The following MYO18B variants were observed in gnomAD, a reference collection of about 807,000 sequenced individuals.
The protein encoded by MYO18B is unconventional myosin-XVIIIb.
A neutral mutation model predicts 273.0 loss-of-function variants in MYO18B; 204 were observed. The ratio of observed to expected loss-of-function variants is 0.75; its 90% CI spans 0.67 to 0.84. MYO18B has a LOEUF of 0.84. MYO18B is among the 40% of genes least tolerant of loss of function. MYO18B has a pLI of 0.00. For synonymous variants in MYO18B, 1,330 were observed against 1,305.7 expected, an observed-to-expected ratio of 1.02 and a Z score of -0.40; for missense variants, 3,212 against 3,287.6, an observed-to-expected ratio of 0.98 and a Z score of 0.56.
chr22:25,778,477 T>TTTA lies in MYO18B; in HGVS notation c.2068+714_2068+716dup, dbSNP rs561203478. Among the ~76,000 whole-genome samples the TTTA allele has an allele frequency of 2.2e-3, 326 of 151,540 alleles. 5 individuals carry two copies. The highest frequency in any genetic ancestry group is 0.015 in the East Asian group (75 of 5,160). On this transcript the variant is annotated intron_variant, in intron 8 of 43. Coordinates refer to ENST00000335473, the MANE Select transcript of MYO18B (RefSeq NM_032608.7). Reference sequence around the variant, plus strand: ...CAGGCCCTATTCTAAGGATACTAACTTTATTATTATTATTATTATTGAGAC... The same window carrying TTTA: ...CAGGCCCTATTCTAAGGATACTAACTTTATTATTATTATTATTATTATTGAGAC...
intron 42 of MYO18B, among the ~76,000 whole-genome samples, chr22:26,022,611 C>T (rs958287052): frequency 5.9e-5 from 9 of 152,162 alleles, no homozygotes; most frequent in African/African-American, 2.2e-4. Context: ...TCTCCTCACT[C>T]GACCCCTACT....
chr22:25,843,771 A>G lies in MYO18B; in HGVS notation c.3245A>G (p.Gln1082Arg), dbSNP rs1345535288. Residue 1082 changes from glutamine to arginine, a missense_variant, in exon 18 of 44, where the codon CAG (glutamine) becomes CGG (arginine). Transcript: ENST00000335473. ...SALRTCEQPLQCEIFHQLGWD... is the reference protein window; with the variant it reads ...SALRTCEQPLRCEIFHQLGWD... ...CTGCGGACCTGTGAGCAGCCCCTCC[A>G]GTGTGAGATTTTCCACCAGTTGGGA... The G allele has an allele frequency of 1.1e-5, 18 of 1,613,836 alleles. No homozygotes were observed. The highest frequency in any genetic ancestry group is 1.4e-5 in the Non-Finnish European group (16 of 1,179,788).
intron 22 of MYO18B, among the ~76,000 whole-genome samples, chr22:25,869,145 C>T (rs2090974657): frequency 6.6e-6 from 1 of 151,950 alleles, no homozygotes; most frequent in Non-Finnish European, 1.5e-5. Context: ...GAAAGGGACA[C>T]AGTTTAGAAA....
At chr22:25,973,988 C>T (rs960117198) in intron 39 of MYO18B, among the ~76,000 whole-genome samples, 1 of 152,200 alleles carries the variant, frequency 6.6e-6, no homozygotes, top group Non-Finnish European at 1.5e-5. Flanking sequence ...TGTCTTAGGT[C>T]ATCCTAGTCT....
chr22:26,011,619 T>C (rs1178093128), intron 42 of MYO18B, among the ~76,000 whole-genome samples: 1 of 152,200 alleles, frequency 6.6e-6, no homozygotes. Flanking sequence ...TCAGTAACCT[T>C]GGGAAATCTA....
chr22:25,791,823 A>G (rs1359620545), intron 11 of MYO18B, among the ~76,000 whole-genome samples: 2 of 152,156 alleles, frequency 1.3e-5, no homozygotes, highest in Non-Finnish European at 2.9e-5. Context: ...CTTTTACTTA[A>G]TTCTCCCAAC....
chr22:25,808,593 C>T (rs958340111), intron 12 of MYO18B, among the ~76,000 whole-genome samples: 1 of 152,164 alleles, frequency 6.6e-6, no homozygotes, highest in Non-Finnish European at 1.5e-5. Context: ...GCCTCCTCAG[C>T]TCCATCTAAT....
At chr22:25,799,783 A>G (rs1280435116) in intron 12 of MYO18B, among the ~76,000 whole-genome samples, 2 of 152,204 alleles carry the variant, frequency 1.3e-5, no homozygotes, top group Admixed American at 6.5e-5. Context: ...CTGAGTCAGG[A>G]GTAAGTAAGA....
chr22:25,909,664 G>C (rs2092117296), intron 32 of MYO18B, among the ~76,000 whole-genome samples: 1 of 152,202 alleles, frequency 6.6e-6, no homozygotes, highest in Admixed American at 6.5e-5. Flanking sequence ...AGACTCTCCT[G>C]AGGCTTTTCT....
intron 39 of MYO18B, among the ~76,000 whole-genome samples, chr22:25,978,100 C>T (rs1381077133): frequency 6.6e-6 from 1 of 152,168 alleles, no homozygotes; most frequent in Non-Finnish European, 1.5e-5. Context: ...AGGCCGAGTA[C>T]AACCTTATTC....
intron 39 of MYO18B, among the ~76,000 whole-genome samples, chr22:25,973,851 C>T (rs960660690): frequency 1.3e-5 from 2 of 152,220 alleles, no homozygotes; most frequent in Admixed American, 1.3e-4. Context: ...TGAACTCACA[C>T]ATGACTTTTC....
Position 25,763,295 on chromosome 22 carries a change from G to C in MYO18B, c.104G>C (p.Gly35Ala). Residue 35 changes from glycine (G) to alanine (A), a missense_variant, in exon 3 of 44, where the codon GGG becomes GCG. By Grantham distance (60) the Gly-to-Ala change is moderately conservative (BLOSUM62 0). Transcript: ENST00000335473. Reference sequence around the variant, plus strand: ...CCTCCTCTTTTCTCTGTCATCCCAGGGGGCTTCATTAAGCAACTGGTCCGG... The same window carrying C: ...CCTCCTCTTTTCTCTGTCATCCCAGCGGGCTTCATTAAGCAACTGGTCCGG... Reference protein sequence around the residue: ...SPPPLFSVIPGGFIKQLVRGT... With the variant: ...SPPPLFSVIPAGFIKQLVRGT... The C allele has an allele frequency of 6.2e-7, 1 of 1,613,110 alleles. No individual in the cohort carries two copies. Among genetic ancestry groups the C allele is most frequent in the Non-Finnish European group, 8.5e-7 (1 of 1,179,668 alleles).
At chr22:25,992,665 T>G (rs1601779148) in intron 40 of MYO18B, among the ~76,000 whole-genome samples, 172 bp downstream of exon 40, 1 of 152,342 alleles carries the variant, frequency 6.6e-6, no homozygotes, top group South Asian at 2.1e-4. Flanking sequence ...GTTGCCCTGC[T>G]GGTTTAACCT....
At chr22:25,786,107 C>A (rs910987903) in intron 11 of MYO18B, among the ~76,000 whole-genome samples, 1 of 152,142 alleles carries the variant, frequency 6.6e-6, no homozygotes, top group South Asian at 2.1e-4. Flanking sequence ...TGTTTTCTCC[C>A]TTCTCTCGCA....
intron 36 of MYO18B, among the ~76,000 whole-genome samples, chr22:25,949,334 T>C (rs1336359319): frequency 6.6e-6 from 1 of 152,054 alleles, no homozygotes; most frequent in Non-Finnish European, 1.5e-5. Context: ...TCCAGCCTGG[T>C]AGATGGAGTG....
At chr22:25,889,731 C>T (rs981094839) in intron 25 of MYO18B, among the ~76,000 whole-genome samples, 23 of 151,982 alleles carry the variant, frequency 1.5e-4, no homozygotes, top group African/African-American at 3.9e-4. Flanking sequence ...CATTTTGGAA[C>T]GATAATGCCA....
At chr22:25,769,522 G>C in intron 4 of MYO18B, 94 bp downstream of exon 4, 4 of 1,212,814 alleles carry the variant, frequency 3.3e-6, no homozygotes. Context: ...ATGGACAAGG[G>C]GTGGACGGGG....
chr22:25,960,130 G>A (rs1303324267), intron 39 of MYO18B, among the ~76,000 whole-genome samples: 5 of 152,220 alleles, frequency 3.3e-5, no homozygotes, highest in African/African-American at 1.2e-4. Flanking sequence ...GTGGAACTTT[G>A]CTTCCCAGAA....
intron 19 of MYO18B, 88 bp from the exon 20 acceptor site, chr22:25,847,342 T>C: frequency 1.6e-6 from 2 of 1,231,996 alleles, no homozygotes; most frequent in Non-Finnish European, 2.3e-6. Flanking sequence ...ATGCTCAGGT[T>C]GGGCTTAATG....
Sources: gnomAD v4.1 joint callset for allele counts (sites outside exome capture counted in the v4.1 genomes callset) on GRCh38, gnomAD v4.1.1 for gene constraint, MANE v1.5 for transcripts, NCBI Gene and HGNC (gene_info 2026-07-23, HGNC 2026-07-21) for gene names.